GALNT2: variants seen among roughly 807,000 people sequenced by gnomAD.
The protein encoded by GALNT2 is UDP-GalNAc:polypeptide N-acetylgalactosaminyltransferase 2.
Under a neutral mutation model 81.4 loss-of-function variants are expected in GALNT2, and 31 were observed. That is an observed-to-expected ratio of 0.38 (90% CI 0.29 to 0.51). The LOEUF is 0.51. Among genes scored for constraint, GALNT2 ranks in the 20% least tolerant of loss-of-function variants. The pLI is 0.87. For missense variants in GALNT2, 629 were observed against 765.7 expected (o/e 0.82, Z 2.11); for synonymous variants, 303 against 287.4 (o/e 1.05, Z -0.55).
intron 1 of GALNT2, among the ~76,000 whole-genome samples, chr1:230,080,505 ACT>A (rs1477067259): frequency 5.9e-5 from 9 of 151,884 alleles, no homozygotes; most frequent in Non-Finnish European, 1.0e-4. Context: ...TGCCAGGGTG[ACT>A]CTGTAAATCC....
chr1:230,215,821 C>T (rs1003354393), intron 3 of GALNT2, among the ~76,000 whole-genome samples: 1 of 152,210 alleles, frequency 6.6e-6, no homozygotes, highest in Admixed American at 6.5e-5. Context: ...ACATAAACTA[C>T]ATACATTAAT....
At chr1:230,109,011 A>G (rs1660621355) in intron 1 of GALNT2, among the ~76,000 whole-genome samples, 1 of 152,246 alleles carries the variant, frequency 6.6e-6, no homozygotes, top group African/African-American at 2.4e-5. Context: ...CAGGATATAT[A>G]TGTTAGAAAC....
At chr1:230,194,310 A>T (rs1338691058) in intron 2 of GALNT2, among the ~76,000 whole-genome samples, 1 of 152,196 alleles carries the variant, frequency 6.6e-6, no homozygotes, top group Non-Finnish European at 1.5e-5. Flanking sequence ...GACAGTGGGC[A>T]GGGATGCGTC....
chr1:230,217,765 G>T (rs753242776), intron 3 of GALNT2, among the ~76,000 whole-genome samples: 1 of 152,158 alleles, frequency 6.6e-6, no homozygotes, highest in Non-Finnish European at 1.5e-5. Flanking sequence ...CATGGCAGAA[G>T]GCAGAAAGGC....
chr1:230,076,845 C>G (rs1659575547), intron 1 of GALNT2, among the ~76,000 whole-genome samples: 1 of 152,138 alleles, frequency 6.6e-6, no homozygotes, highest in Non-Finnish European at 1.5e-5. Context: ...GGAAAAAGAA[C>G]AGGTAATTTG....
At chr1:230,223,939 T>C (rs1167569261) in intron 3 of GALNT2, among the ~76,000 whole-genome samples, 1 of 152,176 alleles carries the variant, frequency 6.6e-6, no homozygotes, top group Non-Finnish European at 1.5e-5. Context: ...GGCCCAGCTT[T>C]TGTGGGGAGA....
At chr1:230,240,359 C>CGT (rs1665161864) in intron 6 of GALNT2, among the ~76,000 whole-genome samples, 1 of 152,102 alleles carries the variant, frequency 6.6e-6, no homozygotes, top group Non-Finnish European at 1.5e-5. Context: ...TTTGGGAGGC[C>CGT]GAGGTGGGCG....
In GALNT2 at chr1:230,262,851, T is replaced by A; in HGVS notation, c.1230-71T>A. On this transcript the variant is annotated intron_variant, in intron 12 of 15. Coordinates refer to ENST00000366672, the MANE Select transcript of GALNT2 (RefSeq NM_004481.5). ...CCCAACCCTGTTCTCCTCAGCAGAT[T>A]TTCAAGTTTGATGTAGAAAGCCCAT... is the stretch of plus-strand genomic sequence containing the variant. 2.0e-6 allele frequency: 3 copies of A among 1,498,096 alleles called. No individual in the cohort carries two copies. In the South Asian group the frequency reaches 3.4e-5, roughly 17 times the overall value. The allele number at this position is 1,498,096 out of a possible 1,614,324, so 92.8% of individuals were successfully genotyped here.
At chr1:230,265,444 C>G (rs1342505389) in intron 14 of GALNT2, 77 bp downstream of exon 14, 3 of 1,585,428 alleles carry the variant, frequency 1.9e-6, no homozygotes, top group East Asian at 4.5e-5. Context: ...GTTAGAAGTC[C>G]CAGCTGCCAC....
At chr1:230,198,011 C>T (rs544944696) in intron 2 of GALNT2, among the ~76,000 whole-genome samples, 2 of 152,318 alleles carry the variant, frequency 1.3e-5, no homozygotes, top group South Asian at 2.1e-4. Context: ...AGTAAGCGTC[C>T]GGCGCAAGAC....
rs377162887 is a variant in GALNT2 at position 230,059,003 on chromosome 1, C to T, written n.89+925C>T. 4.6e-5 allele frequency among the ~76,000 whole-genome samples: 7 copies of T among 152,290 alleles called. No individual in the cohort carries two copies. The East Asian group carries it at 1.3e-3, about 29-fold the overall frequency. On this transcript the variant is annotated intron_variant and non_coding_transcript_variant, in intron 1 of 6. Coordinates refer to the GALNT2 transcript ENST00000494106. The stretch of plus-strand genomic sequence containing the variant: ...GGTGGGAGGGGCGTGCGAACGAGTT[C>T]CCATTATCCAATTTCAGTGTTTAAT...
At chr1:230,262,432 C>T in intron 11 of GALNT2, 141 bp from the exon 12 acceptor site, 1 of 688,934 alleles carries the variant, frequency 1.5e-6, no homozygotes, top group Admixed American at 2.5e-5. Flanking sequence ...AGCCCACCCT[C>T]TGCTGTGTGC....
rs1663579503 is a variant in GALNT2, at chr1:230,193,075, A to G, written c.221-10062A>G. Among the ~76,000 whole-genome samples, 1 of 152,198 alleles carries G rather than the reference A, an allele frequency of 6.6e-6. No individual in the cohort carries two copies. Among genetic ancestry groups the G allele is most frequent in the Non-Finnish European group, 1.5e-5 (1 of 68,034 alleles). ...CATTCAATTTGAGATCAACCAAATA[A>G]ATCTGAGAGCCTTGTCCTTTGATAT... is the stretch of plus-strand genomic sequence containing the variant. On this transcript the variant is annotated intron_variant, in intron 2 of 15. Coordinates refer to ENST00000366672, the MANE Select transcript of GALNT2 (RefSeq NM_004481.5). This position sits in a 1 kb window ranked among gnomAD's most constrained non-coding sequence, Gnocchi z 4.3.
At chr1:230,239,663 TC>T (rs1665140584) in intron 6 of GALNT2, among the ~76,000 whole-genome samples, 1 of 152,372 alleles carries the variant, frequency 6.6e-6, no homozygotes, top group African/African-American at 2.4e-5. Context: ...TGTGGCGTAA[TC>T]ATTGGTGTGA....
At chr1:230,136,139 G>A (rs747189290) in intron 1 of GALNT2, among the ~76,000 whole-genome samples, 1 of 152,192 alleles carries the variant, frequency 6.6e-6, no homozygotes, top group Non-Finnish European at 1.5e-5. Context: ...CTTAGTCAGC[G>A]TCACCTCCTT....
At chr1:230,192,424 C>T (rs973263980) in intron 2 of GALNT2, among the ~76,000 whole-genome samples, 4 of 152,174 alleles carry the variant, frequency 2.6e-5, no homozygotes, top group African/African-American at 9.7e-5. Context: ...TCTTTCTCTC[C>T]TTCTGTCTTT....
intron 1 of GALNT2, among the ~76,000 whole-genome samples, chr1:230,060,931 T>G (rs1659031869): frequency 6.6e-6 from 1 of 152,168 alleles, no homozygotes; most frequent in African/African-American, 2.4e-5. Flanking sequence ...TCTCTTTCTC[T>G]CTCTCTCGCT....
rs758709049 is a variant in GALNT2 at position 230,265,342 on chromosome 1, A to G, written c.1415A>G (p.Glu472Gly). ...HFADGVVGVY[E>G]CHNAGGNQEW... ...GCTGATGGTGTGGTTGGAGTTTATG[A>G]ATGTCACAATGCTGGGGGAAACCAG... Residue 472 changes from glutamate (E) to glycine (G), a missense_variant, in exon 14 of 16, where the codon GAA becomes GGA. By Grantham distance (98) the Glu-to-Gly change is moderately conservative. This residue lies in a region of GALNT2 where 207 missense variants were observed against 225.5 expected (regional missense o/e 0.92). Coordinates refer to ENST00000366672, the MANE Select transcript of GALNT2 (RefSeq NM_004481.5). The G allele has an allele frequency of 1.2e-6, 2 of 1,614,196 alleles. No homozygotes were observed. Among genetic ancestry groups the G allele is most frequent in the Non-Finnish European group, 1.7e-6 (2 of 1,180,038 alleles).
intron 1 of GALNT2, among the ~76,000 whole-genome samples, chr1:230,173,503 T>C (rs1662863023): frequency 6.6e-6 from 1 of 152,242 alleles, no homozygotes; most frequent in Non-Finnish European, 1.5e-5. Context: ...AAAGCAGAGA[T>C]GGGTCTGCAT....
Sources: allele counts gnomAD v4.1 joint callset (sites outside exome capture counted in the v4.1 genomes callset), GRCh38; gene constraint gnomAD v4.1.1; regional missense constraint gnomAD v4.1.1; non-coding constraint Gnocchi (gnomAD v3.1); transcripts MANE v1.5; gene names NCBI Gene and HGNC (gene_info 2026-07-23, HGNC 2026-07-21).